Variants in DLGAP2 observed in about 807,000 individuals in gnomAD.
The protein encoded by DLGAP2 is disks large-associated protein 2.
DLGAP2 carries 26 observed loss-of-function variants against 100.3 expected under a neutral mutation model. The ratio of observed to expected loss-of-function variants is 0.26; its 90% confidence interval spans 0.19 to 0.36. The LOEUF is 0.36. DLGAP2 is among the 10% of genes least tolerant of loss of function. The pLI, the probability that DLGAP2 is intolerant of heterozygous loss-of-function variation, is 1.00. For synonymous variants in DLGAP2, 886 were observed against 630.1 expected (o/e 1.41, Z -6.08); for missense variants, 1,858 against 1,453.2 (o/e 1.28, Z -4.53).
At chr8:1,344,539 C>T (rs192181270) in intron 3 of DLGAP2, among the ~76,000 whole-genome samples, 1 of 152,274 alleles carries the variant, frequency 6.6e-6, no homozygotes, top group African/African-American at 2.4e-5. Context: ...TTCACATTTT[C>T]TCCATAAGGA....
intron 7 of DLGAP2, among the ~76,000 whole-genome samples, chr8:1,630,581 G>C (rs1190282478): frequency 6.6e-6 from 1 of 151,928 alleles, no homozygotes; most frequent in Non-Finnish European, 1.5e-5. Context: ...GGGCACCTGT[G>C]GTCCCAGCTA....
At chr8:1,227,076 C>A (rs1311677117) in intron 2 of DLGAP2, among the ~76,000 whole-genome samples, 1 of 144,110 alleles carries the variant, frequency 6.9e-6, no homozygotes, top group East Asian at 2.0e-4. Flanking sequence ...CTGTTCATTG[C>A]AGCGTATTTC....
intron 3 of DLGAP2, among the ~76,000 whole-genome samples, chr8:1,318,836 C>T (rs1227089622): frequency 7.1e-6 from 1 of 141,796 alleles, no homozygotes; most frequent in Non-Finnish European, 1.5e-5. Flanking sequence ...CCAACAGCTG[C>T]CGGAATGGTC....
At chr8:1,490,789 C>A (rs895030058) in intron 3 of DLGAP2, among the ~76,000 whole-genome samples, 1 of 151,744 alleles carries the variant, frequency 6.6e-6, no homozygotes, top group African/African-American at 2.4e-5. Flanking sequence ...TAAAAGGTCC[C>A]CAGGGTTAGG....
intron 2 of DLGAP2, among the ~76,000 whole-genome samples, chr8:1,083,971 C>G (rs1803891872): frequency 1.3e-5 from 2 of 152,088 alleles, no homozygotes; most frequent in South Asian, 4.2e-4. Context: ...ATAAATTGTG[C>G]CTCAAAATAA....
chr8:1,452,555 A>C (rs1243929926), intron 3 of DLGAP2, among the ~76,000 whole-genome samples: 1 of 152,218 alleles, frequency 6.6e-6, no homozygotes, highest in Non-Finnish European at 1.5e-5. Context: ...CTGGAGGCCC[A>C]GTGGCCCGGC....
chr8:1,668,453 C>G lies in DLGAP2; in HGVS notation c.1935C>G (p.Ser645Arg), dbSNP rs2130838355. The change falls in exon 9 of 15, where the codon AGC becomes AGG. Residue 645 changes from serine to arginine, a missense_variant. Transcript: ENST00000637795. ...CCACCCAGGACGCCTACCAGGACAG[C>G]CGCGCACAGAGGATGTCCCCGTGGC... ...TESTQDAYQD[S>R]RAQRMSPWPQ... is the part of the protein sequence containing the mutation. 1 of 1,596,562 alleles carries G rather than the reference C, an allele frequency of 6.3e-7. No individual in the cohort carries two copies. The highest frequency in any genetic ancestry group is 1.3e-5 in the African/African-American group (1 of 74,498).
chr8:793,692 T>G (rs1795967127), intron 1 of DLGAP2, among the ~76,000 whole-genome samples: 1 of 152,246 alleles, frequency 6.6e-6, no homozygotes, highest in South Asian at 2.1e-4. Context: ...CCTTATAGAT[T>G]TCCCTGACGG....
intron 4 of DLGAP2, among the ~76,000 whole-genome samples, chr8:1,542,033 C>A (rs571028008): frequency 2.0e-5 from 3 of 152,334 alleles, no homozygotes; most frequent in South Asian, 2.1e-4. Flanking sequence ...ACACAGGAAA[C>A]AGCTTCAGCC....
At chr8:1,225,168 G>A (rs1001251211) in intron 2 of DLGAP2, among the ~76,000 whole-genome samples, 3 of 152,212 alleles carry the variant, frequency 2.0e-5, no homozygotes, top group East Asian at 3.8e-4. Context: ...ATAGCCGAAG[G>A]GGAACCACCT....
intron 2 of DLGAP2, among the ~76,000 whole-genome samples, chr8:1,201,905 T>G (rs1797883206): frequency 6.6e-6 from 1 of 152,134 alleles, no homozygotes; most frequent in Admixed American, 6.5e-5. Context: ...TATGTACATG[T>G]GTGCACATGT....
At chr8:748,406 C>T (rs1035170119) in intron 1 of DLGAP2, among the ~76,000 whole-genome samples, 7 of 152,046 alleles carry the variant, frequency 4.6e-5, no homozygotes, top group African/African-American at 1.7e-4. Context: ...GCCGCATGCT[C>T]CACGTAGCCA....
intron 12 of DLGAP2, among the ~76,000 whole-genome samples, 155 bp from the exon 13 acceptor site, chr8:1,691,380 A>G (rs113854047): frequency 1.3e-5 from 2 of 152,344 alleles, no homozygotes; most frequent in African/African-American, 4.8e-5. Flanking sequence ...CGAGCACACT[A>G]AGGCACGAGT....
chr8:1,360,949 G>A (rs1484889141), intron 3 of DLGAP2, among the ~76,000 whole-genome samples: 1 of 152,224 alleles, frequency 6.6e-6, no homozygotes, highest in African/African-American at 2.4e-5. Context: ...GAAGCACAGT[G>A]CCGAGTGTCT....
chr8:1,206,087 A>G (rs561233304), intron 2 of DLGAP2, among the ~76,000 whole-genome samples: 6 of 152,180 alleles, frequency 3.9e-5, no homozygotes, highest in African/African-American at 9.7e-5. Context: ...GCATTTAGAA[A>G]TCATGTTAAC....
At chr8:1,304,848 C>T (rs1426982688) in intron 3 of DLGAP2, among the ~76,000 whole-genome samples, 1 of 152,196 alleles carries the variant, frequency 6.6e-6, no homozygotes, top group Non-Finnish European at 1.5e-5. Flanking sequence ...CAATACTGCA[C>T]AGGATAAGCT....
intron 1 of DLGAP2, among the ~76,000 whole-genome samples, chr8:892,455 C>A (rs1252581896): frequency 1.3e-5 from 2 of 152,150 alleles, no homozygotes; most frequent in African/African-American, 4.8e-5. Context: ...CACAGAAAGA[C>A]CTTGCTGTGT....
At chr8:1,672,771 A>C (rs1243717874) in intron 10 of DLGAP2, among the ~76,000 whole-genome samples, 1 of 152,170 alleles carries the variant, frequency 6.6e-6, no homozygotes, top group African/African-American at 2.4e-5. Flanking sequence ...CCGGCCACTC[A>C]CCTGTAGCTC....
intron 3 of DLGAP2, among the ~76,000 whole-genome samples, chr8:1,331,245 T>G (rs965163245): frequency 6.6e-6 from 1 of 152,176 alleles, no homozygotes; most frequent in African/African-American, 2.4e-5. Context: ...CTGTGTGCCA[T>G]AACTAAGGCC....
Sources: allele counts gnomAD v4.1 joint callset (sites outside exome capture counted in the v4.1 genomes callset), GRCh38; gene constraint gnomAD v4.1.1; transcripts MANE v1.5; gene names NCBI Gene and HGNC (gene_info 2026-07-23, HGNC 2026-07-21).